Variants in GRAMD1B observed in about 807,000 individuals in gnomAD.
GRAMD1B encodes protein Aster-B.
In GRAMD1B, 37 loss-of-function variants were observed where a neutral mutation model predicts 99.7. That is an observed-to-expected ratio of 0.37 (90% confidence interval 0.29 to 0.49). The LOEUF (loss-of-function observed/expected upper bound fraction) is 0.49. GRAMD1B is among the 20% of genes least tolerant of loss of function. The pLI, the probability that GRAMD1B is intolerant of heterozygous loss-of-function variation, is 0.98. For missense variants in GRAMD1B, 888 were observed against 1,009.2 expected (o/e 0.88, Z 1.63); for synonymous variants, 427 against 387.6 (o/e 1.10, Z -1.19).
intron 2 of GRAMD1B, among the ~76,000 whole-genome samples, chr11:123,537,216 A>G (rs1944057973): frequency 6.6e-6 from 1 of 152,172 alleles, no homozygotes; most frequent in Admixed American, 6.5e-5. Flanking sequence ...GTAGGGTCTT[A>G]TAGGAAAATT....
intron 1 of GRAMD1B, among the ~76,000 whole-genome samples, chr11:123,369,741 G>A (rs944067094): frequency 6.6e-6 from 1 of 151,740 alleles, no homozygotes; most frequent in African/African-American, 2.4e-5. Flanking sequence ...GTGTGCTGGT[G>A]TGCGCCAGTG....
At chr11:123,450,865 G>A (rs1430754825) in intron 1 of GRAMD1B, among the ~76,000 whole-genome samples, 4 of 152,186 alleles carry the variant, frequency 2.6e-5, no homozygotes, top group African/African-American at 9.7e-5. Context: ...GTTTGTGGGA[G>A]TCTCTTGGCA....
intron 1 of GRAMD1B, among the ~76,000 whole-genome samples, chr11:123,397,871 T>C (rs2135897398): frequency 6.6e-6 from 1 of 152,300 alleles, no homozygotes; most frequent in South Asian, 2.1e-4. Flanking sequence ...ACCCTCAGCA[T>C]ATATAATGGT....
intron 1 of GRAMD1B, among the ~76,000 whole-genome samples, chr11:123,398,306 T>G (rs999658032): frequency 3.3e-5 from 5 of 152,252 alleles, no homozygotes; most frequent in African/African-American, 1.2e-4. Context: ...GCCTTCTTGC[T>G]GTGTCATTGC....
At chr11:123,364,221 G>A (rs1390991958) in intron 1 of GRAMD1B, among the ~76,000 whole-genome samples, 1 of 152,214 alleles carries the variant, frequency 6.6e-6, no homozygotes, top group Non-Finnish European at 1.5e-5. Flanking sequence ...CAAAGGGAGC[G>A]ATGGGTGGAA....
chr11:123,368,111 G>C (rs1402746716), intron 1 of GRAMD1B, among the ~76,000 whole-genome samples: 1 of 151,806 alleles, frequency 6.6e-6, no homozygotes, highest in African/African-American at 2.4e-5. Flanking sequence ...AAAATTAGCT[G>C]GGCGTGGTGG....
chr11:123,463,469 T>C (rs979582779), intron 1 of GRAMD1B, among the ~76,000 whole-genome samples: 4 of 152,208 alleles, frequency 2.6e-5, no homozygotes, highest in African/African-American at 9.7e-5. Context: ...TACAACATAT[T>C]AGTATGCAGT....
At chr11:123,532,402 G>T (rs1462050569) in intron 2 of GRAMD1B, among the ~76,000 whole-genome samples, 1 of 152,240 alleles carries the variant, frequency 6.6e-6, no homozygotes, top group Non-Finnish European at 1.5e-5. Flanking sequence ...CTGCCTGACT[G>T]CAGGAAAGCT....
intron 1 of GRAMD1B, among the ~76,000 whole-genome samples, chr11:123,399,371 T>C (rs953578211): frequency 6.6e-6 from 1 of 152,246 alleles, no homozygotes; most frequent in African/African-American, 2.4e-5. Flanking sequence ...TTCATGCTAT[T>C]GTGAATAGTG....
rs1275061 is a variant in GRAMD1B, at chr11:123,614,853, T to A, written c.2318+18T>A. The A allele has an allele frequency of 6.6e-7, 1 of 1,513,070 alleles. No individual in the cohort carries two copies. Among genetic ancestry groups the A allele is most frequent in the Non-Finnish European group, 9.2e-7 (1 of 1,092,396 alleles). 93.7% of individuals were successfully genotyped at this position (1,513,070 alleles called of 1,614,324 possible). A position where few individuals can be genotyped will look rare whatever the true frequency, so the allele number is the denominator to read the frequency against. ...AGCTGTGTGTAAGGGATTCTAGGTTTTCCTATCCTGCCCTCACCACCTTCC... is the reference window on the plus strand; with the variant it reads ...AGCTGTGTGTAAGGGATTCTAGGTTATCCTATCCTGCCCTCACCACCTTCC... On this transcript the variant is annotated intron_variant, in intron 17 of 19. Transcript: ENST00000635736.
chr11:123,387,705 G>A, intron 1 of GRAMD1B, among the ~76,000 whole-genome samples: 1 of 151,796 alleles, frequency 6.6e-6, no homozygotes, highest in East Asian at 1.9e-4. Context: ...GCATCAGCCT[G>A]CCCCTGCCCT....
chr11:123,508,891 G>A (rs528038654), intron 2 of GRAMD1B, among the ~76,000 whole-genome samples: 32 of 152,196 alleles, frequency 2.1e-4, no homozygotes, highest in Admixed American at 7.2e-4. Flanking sequence ...TATTATGTTG[G>A]CCAGGCTGGT....
At position 123,493,637 on chromosome 11, in the gene GRAMD1B, T is replaced by G. The variant is rs147711470; in HGVS notation, c.452+12744T>G. 5.6e-3 allele frequency among the ~76,000 whole-genome samples: 849 copies of G among 152,288 alleles called. 2 individuals are homozygous for G. Among genetic ancestry groups the G allele is most frequent in the African/African-American group, 0.019 (803 of 41,556 alleles). ...GCAGGCAGCCCACTCGAACTCCATG[T>G]GGAACGTGGGCCCAGAAGGTGTTCA... On this transcript the variant is annotated intron_variant, in intron 2 of 19. Coordinates refer to ENST00000635736, the MANE Select transcript of GRAMD1B (RefSeq NM_001387025.1).
At chr11:123,513,504 C>T (rs949098930) in intron 2 of GRAMD1B, among the ~76,000 whole-genome samples, 5 of 148,332 alleles carry the variant, frequency 3.4e-5, no homozygotes, top group African/African-American at 1.3e-4. Context: ...TTCTCCCTCT[C>T]TCTTTCTTTC....
In GRAMD1B at chr11:123,563,319, G is replaced by T. The variant is rs543974280; in HGVS notation, c.453-14048G>T. 1.4e-4 allele frequency among the ~76,000 whole-genome samples: 21 copies of T among 152,306 alleles called. No individual in the cohort carries two copies. The Middle Eastern group carries it at 0.01, about 74-fold the overall frequency. ...ACTGGCCCTTGAGAGGTAAAGATTGGGTGGGGATGTTGTAGGAGAAGTGAT... is the reference window on the plus strand; with the variant it reads ...ACTGGCCCTTGAGAGGTAAAGATTGTGTGGGGATGTTGTAGGAGAAGTGAT... On this transcript the variant is annotated intron_variant, in intron 2 of 19. Transcript: ENST00000635736.
intron 1 of GRAMD1B, among the ~76,000 whole-genome samples, chr11:123,437,741 G>A (rs1018489094): frequency 2.0e-5 from 3 of 152,208 alleles, no homozygotes; most frequent in Admixed American, 6.5e-5. Flanking sequence ...CCTAGCTGGC[G>A]TGTGGTTTGC....
chr11:123,618,808 T>G lies in GRAMD1B; in HGVS notation c.2426+8T>G. 7.1e-7 allele frequency: 1 copy of G among 1,406,910 alleles called. No individual in the cohort carries two copies. Among genetic ancestry groups the G allele is most frequent in the Non-Finnish European group, 9.9e-7 (1 of 1,011,452 alleles). 87.2% of individuals were successfully genotyped at this position (1,406,910 alleles called of 1,614,324 possible). On this transcript the variant is annotated splice_region_variant and intron_variant, in intron 18 of 19. Coordinates refer to ENST00000635736, the MANE Select transcript of GRAMD1B (RefSeq NM_001387025.1). ...TCTAAGGCTCCAAGAAAGGTAATCCTGGCCTCGTCCCCTCACCTCCACCTT... is the reference window on the plus strand; with the variant it reads ...TCTAAGGCTCCAAGAAAGGTAATCCGGGCCTCGTCCCCTCACCTCCACCTT...
rs370790803 is a variant in GRAMD1B, at chr11:123,577,317, C to T, written c.453-50C>T. On this transcript the variant is annotated intron_variant, in intron 2 of 19. Coordinates refer to ENST00000635736, the MANE Select transcript of GRAMD1B (RefSeq NM_001387025.1). ...CCTCGATCACTGACTGCCTGCCTTT[C>T]CTCCTCCTTCTCTTTCCACCCCGCT... is the stretch of plus-strand genomic sequence containing the variant. The T allele has an allele frequency of 4.4e-4, 639 of 1,442,810 alleles. 2 individuals are homozygous for T. In the African/African-American group the frequency reaches 7.8e-3, roughly 18 times the overall value. The allele number at this position is 1,442,810 out of a possible 1,614,324, so 89.4% of individuals were successfully genotyped here. A position where few individuals can be genotyped will look rare whatever the true frequency, so the allele number is the denominator to read the frequency against.
chr11:123,463,767 A>G (rs1005894772), intron 1 of GRAMD1B, among the ~76,000 whole-genome samples: 8 of 152,142 alleles, frequency 5.3e-5, no homozygotes, highest in African/African-American at 9.7e-5. Flanking sequence ...TATAGAAGGG[A>G]AATGAAGAGA....
Sources: allele counts gnomAD v4.1 joint callset (sites outside exome capture counted in the v4.1 genomes callset), GRCh38; gene constraint gnomAD v4.1.1; transcripts MANE v1.5; gene names NCBI Gene and HGNC (gene_info 2026-07-23, HGNC 2026-07-21).